Variants in HYDIN observed in about 807,000 individuals in gnomAD.
HYDIN encodes the protein axonemal central pair apparatus protein HYDIN.
Under a neutral mutation model 403.9 loss-of-function variants are expected in HYDIN, and 132 were observed. That is an observed-to-expected ratio of 0.33 (90% confidence interval 0.28 to 0.38). The LOEUF is 0.38. Ranked by LOEUF, HYDIN falls within the 10% of genes least tolerant of loss-of-function variation. The pLI, the probability that HYDIN is intolerant of heterozygous loss-of-function variation, is 1.00. For synonymous variants in HYDIN, 1,202 were observed against 1,891.7 expected (o/e 0.64, Z 9.46); for missense variants, 2,827 against 5,009.5 (o/e 0.56, Z 13.15).
intron 1 of HYDIN, among the ~76,000 whole-genome samples, chr16:71,208,674 G>A (rs1239218924): frequency 1.3e-5 from 2 of 151,946 alleles, no homozygotes; most frequent in South Asian, 2.1e-4. Context: ...GAATGAAGAA[G>A]AAAAGAGAGA....
intron 36 of HYDIN, among the ~76,000 whole-genome samples, chr16:70,969,667 A>G (rs978797601): frequency 6.6e-6 from 1 of 152,196 alleles, no homozygotes; most frequent in African/African-American, 2.4e-5. Context: ...TAAAAGAAGA[A>G]ATCTTGGCGT....
chr16:70,836,092 C>T (rs74024466), intron 77 of HYDIN, among the ~76,000 whole-genome samples: 3,653 of 152,152 alleles, frequency 0.024, 125 homozygotes, highest in African/African-American at 0.084. Context: ...GAGCATATTA[C>T]ATGGGGCTGA....
chr16:70,818,924 C>A (rs1270513771), intron 83 of HYDIN, among the ~76,000 whole-genome samples: 1 of 152,116 alleles, frequency 6.6e-6, no homozygotes, highest in Non-Finnish European at 1.5e-5. Flanking sequence ...TTCTTTCTTT[C>A]TTTCTTTCGA....
In HYDIN at chr16:70,807,787, G is replaced by C; in HGVS notation, c.15159C>G (p.Ser5053=). 6.2e-7 allele frequency: 1 copy of C among 1,614,156 alleles called. No individual in the cohort carries two copies. The highest frequency in any genetic ancestry group is 8.5e-7 in the Non-Finnish European group (1 of 1,180,030). The change falls in exon 86 of 86, where the codon TCC becomes TCG. Residue 5053 remains serine, a synonymous_variant. Coordinates refer to ENST00000393567, the MANE Select transcript of HYDIN (RefSeq NM_001270974.2). ...TGAAGGCTGGGTTATCCACGATGATGGAGAAGGTCACCATGTGATAGAAGA... is the reference window on the plus strand; with the variant it reads ...TGAAGGCTGGGTTATCCACGATGATCGAGAAGGTCACCATGTGATAGAAGA... ...KNVFYHMVTF[S]IIVDNPAFTI...
At chr16:70,950,835 CA>C (rs1034132479) in intron 41 of HYDIN, among the ~76,000 whole-genome samples, 1 of 152,150 alleles carries the variant, frequency 6.6e-6, no homozygotes, top group African/African-American at 2.4e-5. Flanking sequence ...ATACTGATGG[CA>C]CCCTCAGCTC....
At chr16:71,172,644 G>A (rs2086513234) in intron 5 of HYDIN, among the ~76,000 whole-genome samples, 1 of 152,160 alleles carries the variant, frequency 6.6e-6, no homozygotes. Context: ...TAGATGATGG[G>A]CGGGAGGGAA....
intron 41 of HYDIN, among the ~76,000 whole-genome samples, chr16:70,951,289 G>A (rs7199626): frequency 0.033 from 4,447 of 134,936 alleles, 264 homozygotes; most frequent in African/African-American, 0.12. Flanking sequence ...AGGGAGAGAG[G>A]GAGAGAGAGA....
rs2084450134 is a variant in HYDIN at position 71,126,234 on chromosome 16, T to C, written c.1227+3406A>G. 2.0e-5 allele frequency among the ~76,000 whole-genome samples: 3 copies of C among 152,210 alleles called. No homozygotes were observed. The South Asian group carries it at 6.2e-4, about 32-fold the overall frequency. On this transcript the variant is annotated intron_variant, in intron 9 of 85. Transcript: ENST00000393567. Reference sequence around the variant, plus strand: ...TAGCTCCTTCCCTAATGGTCTGTTTTTGTAATTTTCCCAATTGGAAACATT... The same window carrying C: ...TAGCTCCTTCCCTAATGGTCTGTTTCTGTAATTTTCCCAATTGGAAACATT...
chr16:70,847,285 T>C (rs2038280595), intron 75 of HYDIN, among the ~76,000 whole-genome samples: 1 of 152,266 alleles, frequency 6.6e-6, no homozygotes, highest in Admixed American at 6.5e-5. Flanking sequence ...TTTATAGTTA[T>C]TGCTATATGC....
chr16:71,010,590 C>T (rs2080049411), intron 23 of HYDIN, among the ~76,000 whole-genome samples: 1 of 151,682 alleles, frequency 6.6e-6, no homozygotes, highest in South Asian at 2.1e-4. Flanking sequence ...TATTAACCTC[C>T]TTCATTTCAC....
At position 70,834,108 on chromosome 16, in the gene HYDIN, T is replaced by C. The variant is rs780945451; in HGVS notation, c.13458A>G (p.Lys4486=). 5.6e-6 allele frequency: 9 copies of C among 1,612,980 alleles called. No homozygotes were observed. The highest frequency in any genetic ancestry group is 5.1e-6 in the Non-Finnish European group (6 of 1,179,476). Residue 4486 remains lysine, a synonymous_variant, in exon 79 of 86, where the codon AAA becomes AAG. Coordinates refer to ENST00000393567, the MANE Select transcript of HYDIN (RefSeq NM_001270974.2). ...TCTTCGGGGCAAAGATGACTTCCAG[T>C]TTACAGACTTCTTTGGGCTTCAGTG... is the stretch of plus-strand genomic sequence containing the variant. ...NITLKPKEVC[K]LEVIFAPKKR... is the part of the protein sequence containing the mutation.
At chr16:71,005,655 G>C (rs2079870144) in intron 23 of HYDIN, among the ~76,000 whole-genome samples, 1 of 152,152 alleles carries the variant, frequency 6.6e-6, no homozygotes, top group Non-Finnish European at 1.5e-5. Context: ...GTGACTTAAT[G>C]TAATTCTTAA....
intron 7 of HYDIN, among the ~76,000 whole-genome samples, chr16:71,145,353 C>A (rs2005717): frequency 5.3e-5 from 8 of 151,694 alleles, no homozygotes; most frequent in Non-Finnish European, 1.2e-4. Flanking sequence ...CTCCCTGGTT[C>A]AAGAAATTCT....
intron 36 of HYDIN, among the ~76,000 whole-genome samples, chr16:70,966,131 T>C (rs1339403236): frequency 6.6e-6 from 1 of 151,766 alleles, no homozygotes; most frequent in Non-Finnish European, 1.5e-5. Context: ...TGCGATTAGC[T>C]GAAGTCTCCA....
At chr16:71,001,920 G>C (rs1196183164) in intron 23 of HYDIN, among the ~76,000 whole-genome samples, 2 of 152,360 alleles carry the variant, frequency 1.3e-5, no homozygotes, top group East Asian at 3.9e-4. Context: ...ATGGTGTCTA[G>C]TTGTAAATGT....
intron 17 of HYDIN, among the ~76,000 whole-genome samples, chr16:71,061,503 C>A (rs1485986821): frequency 6.6e-6 from 1 of 152,266 alleles, no homozygotes; most frequent in African/African-American, 2.4e-5. Flanking sequence ...GTTTATCCTT[C>A]AACTCAGCCT....
chr16:70,834,911 C>CACACATATATGT (rs1567677502), intron 78 of HYDIN, among the ~76,000 whole-genome samples: 79 of 143,340 alleles, frequency 5.5e-4, no homozygotes, highest in Middle Eastern at 3.6e-3. Context: ...TACACACACA[C>CACACATATATGT]ATATATACAC....
At chr16:70,890,020 T>C (rs1357584791) in intron 57 of HYDIN, among the ~76,000 whole-genome samples, 2 of 152,270 alleles carry the variant, frequency 1.3e-5, no homozygotes, top group Non-Finnish European at 2.9e-5. Flanking sequence ...AAATTACTTG[T>C]GGATGTCAAA....
In HYDIN at chr16:70,941,658, C is replaced by G. The variant is rs200044904; in HGVS notation, c.6831G>C (p.Glu2277Asp). 5.1e-6 allele frequency: 8 copies of G among 1,570,316 alleles called. No homozygotes were observed. In the Admixed American group the frequency reaches 1.1e-4, roughly 22 times the overall value. Residue 2277 changes from glutamate to aspartate, a missense_variant, in exon 43 of 86, where the codon GAG (glutamate) becomes GAC (aspartate). Transcript: ENST00000393567. Reference protein sequence around the residue: ...AQDYAAMKAQEKAKKEQEERK... With the variant: ...AQDYAAMKAQDKAKKEQEERK... ...TGCCTTCTTGCTCCTTTTTGGCTTT[C>G]TCCTGGGCCTTCATGGCTGCGTAAT...
Sources: allele counts gnomAD v4.1 joint callset (sites outside exome capture counted in the v4.1 genomes callset), GRCh38; gene constraint gnomAD v4.1.1; transcripts MANE v1.5; gene names NCBI Gene and HGNC (gene_info 2026-07-23, HGNC 2026-07-21).